TRIM5: variants seen among roughly 807,000 people sequenced by gnomAD.
TRIM5 encodes tripartite motif-containing protein 5.
A neutral mutation model predicts 35.6 loss-of-function variants in TRIM5; 31 were observed. The ratio of observed to expected loss-of-function variants is 0.87; its 90% CI spans 0.65 to 1.18. The LOEUF is 1.18. TRIM5 is among the 50% of genes most tolerant of loss of function. The pLI is 0.00. For synonymous variants in TRIM5, 243 were observed against 215.6 expected, an observed-to-expected ratio of 1.13 and a Z score of -1.11; for missense variants, 609 against 591.6, an observed-to-expected ratio of 1.03 and a Z score of -0.31.
chr11:5,631,074 T>C, the TRIM5 span, among the ~76,000 whole-genome samples: 1 of 152,196 alleles, frequency 6.6e-6, no homozygotes, highest in Non-Finnish European at 1.5e-5. Context: ...CTATTTCTAT[T>C]CCTCGATGAT....
At chr11:5,597,862 T>C in the TRIM5 span, among the ~76,000 whole-genome samples, 2 of 152,312 alleles carry the variant, frequency 1.3e-5, no homozygotes, top group African/African-American at 4.8e-5. Flanking sequence ...GGAAAGAAGG[T>C]CCTTTATCTA....
chr11:5,666,998 A>G lies in TRIM5; in HGVS notation c.767+691T>C, dbSNP rs573421065. Among the ~76,000 whole-genome samples the G allele has an allele frequency of 4.3e-4, 66 of 152,288 alleles. 1 individual carries two copies. Among genetic ancestry groups the G allele is most frequent in the Non-Finnish European group, 8.1e-4 (55 of 68,022 alleles). ...ACAATTAGGGGTATATAAGAGAAAA[A>G]GAAGATATGGCCCATCCAAAATAAA... On this transcript the variant is annotated intron_variant, in intron 5 of 7. Coordinates refer to ENST00000380034, the MANE Select transcript of TRIM5 (RefSeq NM_033034.3).
rs1566282 is a variant in TRIM5, at chr11:5,663,545, A to G, written c.*1264T>C. ...TTGTAGAACAAGTACTTATTAGATCAAGACACTTAGATAGATGCTTTATAC... is the reference window on the plus strand; with the variant it reads ...TTGTAGAACAAGTACTTATTAGATCGAGACACTTAGATAGATGCTTTATAC... On this transcript the variant is annotated 3_prime_UTR_variant, in exon 8 of 8. Transcript: ENST00000380034. 965,484 of 977,158 alleles carry G rather than the reference A, an allele frequency of 0.99. 477,434 individuals are homozygous for G. Among genetic ancestry groups the G allele is most frequent in the East Asian group, 1 (8,759 of 8,766 alleles). The allele number at this position is 977,158 out of a possible 1,614,324, so 60.5% of individuals were successfully genotyped here. A position where few individuals can be genotyped will look rare whatever the true frequency, so the allele number is the denominator to read the frequency against.
chr11:5,642,569 C>G, the TRIM5 span: 2 of 1,567,926 alleles, frequency 1.3e-6, no homozygotes, highest in Non-Finnish European at 1.7e-6. Context: ...AATAAACTGT[C>G]TAGGTGGGAT....
downstream of TRIM5, among the ~76,000 whole-genome samples, chr11:5,660,165 C>T (rs1262124201): frequency 3.9e-5 from 6 of 152,088 alleles, no homozygotes; most frequent in Admixed American, 3.9e-4. Flanking sequence ...TTAGTAGAGA[C>T]GGGGTTTCAC....
the TRIM5 span, chr11:5,590,084 G>T: frequency 2.6e-5 from 4 of 156,696 alleles, no homozygotes; most frequent in African/African-American, 4.8e-5. Context: ...CACTGCGCTC[G>T]ATTTCTTGCC....
At chr11:5,639,584 G>A in the TRIM5 span, among the ~76,000 whole-genome samples, 1 of 145,668 alleles carries the variant, frequency 6.9e-6, no homozygotes, top group Non-Finnish European at 1.5e-5. Context: ...GGAGGCTGAG[G>A]CAGAAGAATC....
intron 4 of TRIM5, among the ~76,000 whole-genome samples, chr11:5,675,055 G>T (rs1851841465): frequency 6.6e-6 from 1 of 151,656 alleles, no homozygotes; most frequent in Non-Finnish European, 1.5e-5. Flanking sequence ...TTGAGATGGA[G>T]TCTCGCACTG....
the TRIM5 span, chr11:5,641,147 G>A: frequency 1.2e-6 from 2 of 1,610,304 alleles, no homozygotes; most frequent in Non-Finnish European, 1.7e-6. Flanking sequence ...TTTGACTCAT[G>A]TTTTCTCTTT....
At chr11:5,643,517 C>T in the TRIM5 span, 3 of 1,614,176 alleles carry the variant, frequency 1.9e-6, no homozygotes, top group African/African-American at 1.3e-5. Flanking sequence ...TGACTCTCTC[C>T]ATGGCTGTGC....
chr11:5,651,048 C>T, the TRIM5 span, among the ~76,000 whole-genome samples: 1 of 152,304 alleles, frequency 6.6e-6, no homozygotes, highest in Non-Finnish European at 1.5e-5. Flanking sequence ...TTTCAAGTAA[C>T]TTAGTAAATG....
chr11:5,605,561 G>GGGCCGGGCGCGGTGGCTCACGCCTGTAAT, the TRIM5 span: 1 of 1,612,432 alleles, frequency 6.2e-7, no homozygotes, highest in Non-Finnish European at 8.5e-7. Flanking sequence ...CAATGGAGCT[G>GGGCCGGGCGCGGTGGCTCACGCCTGTAAT]CTGCAGGTAA....
At chr11:5,608,515 C>A in the TRIM5 span, 2 of 1,452,410 alleles carry the variant, frequency 1.4e-6, no homozygotes, top group Non-Finnish European at 1.9e-6. Flanking sequence ...AGTCTTGAAT[C>A]GCGCATCACA....
chr11:5,592,918 AAAAAAAAAAAAAG>A, the TRIM5 span, among the ~76,000 whole-genome samples: 4 of 134,690 alleles, frequency 3.0e-5, no homozygotes, highest in East Asian at 4.3e-4. Context: ...TTGTCTCAAA[AAAAAAAAAAAAAG>A]AAAAAAGAAA....
the TRIM5 span, among the ~76,000 whole-genome samples, chr11:5,645,354 T>G: frequency 7.0e-6 from 1 of 141,986 alleles, no homozygotes; most frequent in Admixed American, 7.5e-5. Flanking sequence ...ATTGCACCAC[T>G]GCACTCCAGC....
At chr11:5,610,773 A>G in the TRIM5 span, 1 of 1,613,344 alleles carries the variant, frequency 6.2e-7, no homozygotes, top group African/African-American at 1.3e-5. Flanking sequence ...ACCTTTTCCT[A>G]CAGTTGACGT....
the TRIM5 span, among the ~76,000 whole-genome samples, chr11:5,640,554 G>T: frequency 6.6e-6 from 1 of 151,886 alleles, no homozygotes; most frequent in Non-Finnish European, 1.5e-5. Flanking sequence ...TTTTGTTGAA[G>T]AATTTTGTAT....
At chr11:5,636,652 A>AT in the TRIM5 span, among the ~76,000 whole-genome samples, 1 of 152,184 alleles carries the variant, frequency 6.6e-6, no homozygotes, top group Non-Finnish European at 1.5e-5. Context: ...TTGTCCAGGC[A>AT]TTTGTCCTAT....
At chr11:5,632,587 T>C in the TRIM5 span, 3 of 1,613,722 alleles carry the variant, frequency 1.9e-6, no homozygotes, top group South Asian at 2.2e-5. Context: ...GGAGGTCAAG[T>C]TGAGCCCAGA....
Sources: allele counts gnomAD v4.1 joint callset (sites outside exome capture counted in the v4.1 genomes callset), GRCh38; gene constraint gnomAD v4.1.1; transcripts MANE v1.5; gene names NCBI Gene and HGNC (gene_info 2026-07-23, HGNC 2026-07-21).